The following AGMO variants were observed in gnomAD, a reference collection of about 807,000 sequenced individuals.
The protein encoded by AGMO is alkylglycerol monooxygenase, also known as glyceryl-ether monooxygenase.
A neutral mutation model predicts 60.2 loss-of-function variants in AGMO; 75 were observed. The ratio of observed to expected loss-of-function variants is 1.25; its 90% confidence interval spans 1.03 to 1.51. The LOEUF (loss-of-function observed/expected upper bound fraction) is 1.51, where lower values mean the gene tolerates loss of function less well. Among genes scored for constraint, AGMO ranks in the 40% most tolerant of loss-of-function variants. The pLI is 0.00. For synonymous variants in AGMO, 261 were observed against 177.1 expected, an observed-to-expected ratio of 1.47 and a Z score of -3.76; for missense variants, 763 against 525.5, an observed-to-expected ratio of 1.45 and a Z score of -4.42.
chr7:15,247,141 G>C (rs891039048), intron 12 of AGMO, among the ~76,000 whole-genome samples: 1 of 151,540 alleles, frequency 6.6e-6, no homozygotes, highest in African/African-American at 2.4e-5. Context: ...TCATCTCACA[G>C]CACTGGTTAT....
chr7:15,492,601 G>A (rs1783096577), intron 3 of AGMO, among the ~76,000 whole-genome samples: 1 of 112,450 alleles, frequency 8.9e-6, no homozygotes, highest in Admixed American at 1.2e-4. Context: ...CTATATTGAG[G>A]AGGTTTTTAT....
At chr7:15,163,582 G>A in the AGMO span, among the ~76,000 whole-genome samples, 2 of 151,778 alleles carry the variant, frequency 1.3e-5, no homozygotes, top group African/African-American at 2.4e-5. Flanking sequence ...AATGACCTAT[G>A]GTTTTTTATT....
At chr7:15,131,244 G>A in the AGMO span, among the ~76,000 whole-genome samples, 1 of 152,100 alleles carries the variant, frequency 6.6e-6, no homozygotes, top group Admixed American at 6.6e-5. Context: ...AGTATTTTAG[G>A]AAGGGCATAA....
At chr7:15,215,614 A>C (rs1563038712) in intron 12 of AGMO, among the ~76,000 whole-genome samples, 1 of 152,124 alleles carries the variant, frequency 6.6e-6, no homozygotes, top group Non-Finnish European at 1.5e-5. Context: ...GTATGAATCT[A>C]ATTCCTGCTG....
At chr7:15,124,851 G>A in the AGMO span, among the ~76,000 whole-genome samples, 1 of 152,046 alleles carries the variant, frequency 6.6e-6, no homozygotes, top group Non-Finnish European at 1.5e-5. Context: ...AAAGGCTGAA[G>A]TCATGGAAGC....
chr7:15,149,988 G>A, the AGMO span, among the ~76,000 whole-genome samples: 1 of 151,480 alleles, frequency 6.6e-6, no homozygotes, highest in Non-Finnish European at 1.5e-5. Flanking sequence ...TCTCTGATTT[G>A]TTTCATTAGG....
chr7:15,547,688 G>A (rs1784824424), intron 2 of AGMO, among the ~76,000 whole-genome samples: 1 of 152,078 alleles, frequency 6.6e-6, no homozygotes. Flanking sequence ...CTCGCTGATT[G>A]CTAGCACAGC....
At chr7:15,554,747 TAA>T (rs1324055603) in intron 2 of AGMO, among the ~76,000 whole-genome samples, 1 of 152,106 alleles carries the variant, frequency 6.6e-6, no homozygotes, top group Non-Finnish European at 1.5e-5. Context: ...GTTTTAATGT[TAA>T]GATTGAAAAA....
chr7:15,462,076 T>C (rs1196238923), intron 3 of AGMO, among the ~76,000 whole-genome samples: 2 of 151,780 alleles, frequency 1.3e-5, no homozygotes, highest in Non-Finnish European at 2.9e-5. Context: ...AAAAAAATTC[T>C]AAAATTAAAA....
At chr7:15,163,389 G>C in the AGMO span, among the ~76,000 whole-genome samples, 1 of 152,038 alleles carries the variant, frequency 6.6e-6, no homozygotes, top group Non-Finnish European at 1.5e-5. Context: ...GGACATCTTT[G>C]TCTTGTTCCA....
the AGMO span, among the ~76,000 whole-genome samples, chr7:15,194,773 G>A: frequency 6.6e-6 from 1 of 152,088 alleles, no homozygotes; most frequent in South Asian, 2.1e-4. Context: ...AGCCTATTAC[G>A]TAGGCCAAGC....
At chr7:15,517,227 G>A (rs569649823) in intron 3 of AGMO, among the ~76,000 whole-genome samples, 8 of 151,950 alleles carry the variant, frequency 5.3e-5, no homozygotes, top group Non-Finnish European at 7.4e-5. Context: ...CATAATGCAA[G>A]ACTTTAGCAC....
At chr7:15,493,364 T>TACACACACACA (rs1783125081) in intron 3 of AGMO, among the ~76,000 whole-genome samples, 1 of 28,952 alleles carries the variant, frequency 3.5e-5, no homozygotes, top group Admixed American at 3.2e-4. Context: ...CACACACACT[T>TACACACACACA]CTTTTTTTTT....
chr7:15,371,627 A>AC (rs1381005684), intron 10 of AGMO, among the ~76,000 whole-genome samples: 1 of 152,028 alleles, frequency 6.6e-6, no homozygotes, highest in Non-Finnish European at 1.5e-5. Context: ...CGAACTCCTG[A>AC]CCTCAGGTGA....
chr7:15,118,552 T>TG, the AGMO span, among the ~76,000 whole-genome samples: 1 of 152,118 alleles, frequency 6.6e-6, no homozygotes, highest in Non-Finnish European at 1.5e-5. Flanking sequence ...CAAAAATCAT[T>TG]GACTTCCTTG....
intron 12 of AGMO, among the ~76,000 whole-genome samples, chr7:15,342,833 AT>A (rs1247179521): frequency 2.0e-5 from 3 of 147,462 alleles, no homozygotes; most frequent in African/African-American, 7.4e-5. Flanking sequence ...TCTACAACTT[AT>A]GACTATATGA....
intron 3 of AGMO, among the ~76,000 whole-genome samples, chr7:15,492,149 T>A (rs762678765): frequency 1.7e-4 from 26 of 152,160 alleles, no homozygotes; most frequent in Admixed American, 5.9e-4. Flanking sequence ...TAGGGAGATA[T>A]GTTTTTTAAT....
chr7:15,169,621 G>C, the AGMO span, among the ~76,000 whole-genome samples: 8 of 151,986 alleles, frequency 5.3e-5, no homozygotes, highest in African/African-American at 1.9e-4. Flanking sequence ...AATTTTAGTA[G>C]AGATGGGGTT....
In AGMO at chr7:15,500,663, A is replaced by G. The variant is rs546026490; in HGVS notation, c.409+44109T>C. Among the ~76,000 whole-genome samples the G allele has an allele frequency of 3.6e-3, 543 of 151,962 alleles. 2 individuals carry two copies. Among genetic ancestry groups the G allele is most frequent in the African/African-American group, 0.013 (524 of 41,514 alleles). Reference sequence around the variant, plus strand: ...ACTTCTGAATTCATCCATCTTTTGTATGGTTTTCCATGTCTCAGTTTCCTT... The same window carrying G: ...ACTTCTGAATTCATCCATCTTTTGTGTGGTTTTCCATGTCTCAGTTTCCTT... On this transcript the variant is annotated intron_variant, in intron 3 of 12. Transcript: ENST00000342526.
Sources: gnomAD v4.1 joint callset for allele counts (sites outside exome capture counted in the v4.1 genomes callset) on GRCh38, gnomAD v4.1.1 for gene constraint, MANE v1.5 for transcripts, NCBI Gene and HGNC (gene_info 2026-07-23, HGNC 2026-07-21) for gene names.